The following LRRC41 variants were observed in gnomAD, a reference collection of about 807,000 sequenced individuals.
LRRC41 encodes leucine rich repeat containing 41, also known as leucine-rich repeat-containing protein 41.
In LRRC41, 17 loss-of-function variants were observed where a neutral mutation model predicts 72.1. The ratio of observed to expected loss-of-function variants is 0.24; its 90% CI spans 0.16 to 0.35. LRRC41 has a LOEUF of 0.35. Among genes scored for constraint, LRRC41 ranks in the 10% least tolerant of loss-of-function variants. LRRC41 has a pLI of 1.00. For missense variants in LRRC41, 759 were observed against 1,065.0 expected (o/e 0.71, Z 4.00); for synonymous variants, 427 against 431.0 (o/e 0.99, Z 0.11).
intron 3 of LRRC41, chr1:46,297,108 T>C (rs1464719166): frequency 6.3e-6 from 1 of 158,662 alleles, no homozygotes; most frequent in African/African-American, 2.4e-5. Context: ...GCTCAAGGTA[T>C]AGTCGTTATA....
rs1309497591 is a variant in LRRC41 at position 46,285,025 on chromosome 1, G to A, written c.1495+337C>T. The A allele has an allele frequency of 1.1e-5, 3 of 280,738 alleles. No individual in the cohort carries two copies. The highest frequency in any genetic ancestry group is 2.1e-5 in the Non-Finnish European group (3 of 143,242). 17.4% of individuals were successfully genotyped at this position (280,738 alleles called of 1,614,324 possible). On this transcript the variant is annotated intron_variant, in intron 4 of 9. Coordinates refer to ENST00000617190, the MANE Select transcript of LRRC41 (RefSeq NM_006369.5). The surrounding 1 kb of genome is among the most constrained non-coding windows in gnomAD (Gnocchi z 5.3). ...CTGATATGACTGGTGAGGTGGTGAG[G>A]TCAAACTCTAGCCCTGCCTGAGCAT...
intron 2 of LRRC41, among the ~76,000 whole-genome samples, chr1:46,297,967 C>A (rs1403212334): frequency 2.0e-5 from 3 of 152,054 alleles, no homozygotes; most frequent in Admixed American, 2.0e-4. Context: ...TTAAATGTTA[C>A]CTGTTAACAG....
chr1:46,292,654 G>A (rs1661042412), intron 3 of LRRC41, among the ~76,000 whole-genome samples: 1 of 152,158 alleles, frequency 6.6e-6, no homozygotes, highest in Admixed American at 6.5e-5. Context: ...TTCATGATGT[G>A]TCCAAATCCT....
rs778145574 is a variant in LRRC41 at position 46,280,474 on chromosome 1, A to T, written c.1843T>A (p.Ser615Thr). ...LLCSVLKASG[S>T]LQQLSLDSAT... ...CTATCCAGGGACAGCTGCTGCAGAGAACCCGAGGCCTTCAGAACGGAGCAC... is the reference window on the plus strand; with the variant it reads ...CTATCCAGGGACAGCTGCTGCAGAGTACCCGAGGCCTTCAGAACGGAGCAC... The change falls in exon 6 of 10, where the codon TCT becomes ACT. Residue 615 changes from serine (S) to threonine (T), a missense_variant. Ser to Thr is a moderately conservative substitution (Grantham distance 58). This residue lies in a region of LRRC41 where 427 missense variants were observed against 520.9 expected (regional missense o/e 0.82). Coordinates refer to ENST00000617190, the MANE Select transcript of LRRC41 (RefSeq NM_006369.5). 4.2e-5 allele frequency: 68 copies of T among 1,614,084 alleles called. No homozygotes were observed. Among genetic ancestry groups the T allele is most frequent in the Non-Finnish European group, 5.3e-5 (63 of 1,180,032 alleles).
Position 46,303,277 on chromosome 1 carries a change from CA to C in LRRC41, c.45del (p.Cys15TrpfsTer3). The C allele has an allele frequency of 6.5e-7, 1 of 1,544,584 alleles. No individual in the cohort carries two copies. Among genetic ancestry groups the C allele is most frequent in the Admixed American group, 2.0e-5 (1 of 50,750 alleles). ...TCCATGGTCGTTGCCGCCGCTACCTCACAGAACCAGCAACTCCGGGCGCGCC... is the reference window on the plus strand; with the variant it reads ...TCCATGGTCGTTGCCGCCGCTACCTCCAGAACCAGCAACTCCGGGCGCGCC... ...EAWRARSCWFCEVAAATTMEA... is the reference protein window; with the variant it reads ...EAWRARSCWFXEVAAATTMEA... On this transcript the variant is annotated frameshift_variant, in exon 1 of 10. Coordinates refer to ENST00000617190, the MANE Select transcript of LRRC41 (RefSeq NM_006369.5). LOFTEE classifies it high-confidence loss of function.
At position 46,286,358 on chromosome 1, in the gene LRRC41, G is replaced by A. The variant is rs1660884187; in HGVS notation, c.499C>T (p.Leu167Phe). The A allele has an allele frequency of 6.2e-7, 1 of 1,614,246 alleles. No individual in the cohort carries two copies. The highest frequency in any genetic ancestry group is 1.3e-5 in the African/African-American group (1 of 75,060). ...LLHSSRHVRQLTICNMLQGAT... is the reference protein window; with the variant it reads ...LLHSSRHVRQFTICNMLQGAT... The stretch of plus-strand genomic sequence containing the variant: ...CCCTGCAGCATGTTACAGATGGTGA[G>A]CTGTCGGACATGGCGGGAGCTGTGC... The change falls in exon 4 of 10, where the codon CTC becomes TTC. Residue 167 changes from leucine to phenylalanine, a missense_variant. By Grantham distance (22) the Leu-to-Phe change is conservative. Transcript: ENST00000617190. This position sits in a 1 kb window ranked among gnomAD's most constrained non-coding sequence, Gnocchi z 5.5.
chr1:46,278,773 G>A lies in LRRC41; in HGVS notation c.*92C>T, dbSNP rs1660700890. On this transcript the variant is annotated 3_prime_UTR_variant, in exon 10 of 10. Coordinates refer to ENST00000617190, the MANE Select transcript of LRRC41 (RefSeq NM_006369.5). ...AGAAAAAAGGTGACAGAAAGAGAAAGATAGAACTGGTGGTTGGGGTTCTGG... is the reference window on the plus strand; with the variant it reads ...AGAAAAAAGGTGACAGAAAGAGAAAAATAGAACTGGTGGTTGGGGTTCTGG... 8.1e-7 allele frequency: 1 copy of A among 1,235,038 alleles called. No homozygotes were observed. The highest frequency in any genetic ancestry group is 2.3e-5 in the East Asian group (1 of 43,012). The allele number at this position is 1,235,038 out of a possible 1,614,324, so 76.5% of individuals were successfully genotyped here.
intron 3 of LRRC41, among the ~76,000 whole-genome samples, chr1:46,289,898 A>G (rs1015759699): frequency 6.6e-6 from 1 of 152,206 alleles, no homozygotes; most frequent in African/African-American, 2.4e-5. Flanking sequence ...GGGTAAGGGA[A>G]ATGAGGCATG....
Position 46,285,930 on chromosome 1 carries a change from T to C in LRRC41, c.927A>G (p.Glu309=), listed in dbSNP as rs1660876383. ...GTGCAGCTCTGGGCATCTGCTTGGC[T>C]TCACTCTTACGCCGGCTGGCCATCA... ...AALMASRRKS[E]AKQMPRAAPA... is the part of the protein sequence containing the mutation. The change falls in exon 4 of 10, where the codon GAA becomes GAG. Residue 309 remains glutamate, a synonymous_variant. Transcript: ENST00000617190. The surrounding 1 kb of genome is among the most constrained non-coding windows in gnomAD (Gnocchi z 5.3). 2 of 1,536,786 alleles carry C rather than the reference T, an allele frequency of 1.3e-6. No homozygotes were observed.
rs1231627439 is a variant in LRRC41 at position 46,279,076 on chromosome 1, C to T, written c.2228G>A (p.Cys743Tyr). 5 of 1,608,618 alleles carry T rather than the reference C, an allele frequency of 3.1e-6. No homozygotes were observed. The highest frequency in any genetic ancestry group is 4.2e-6 in the Non-Finnish European group (5 of 1,176,956). ...CTCCAGAAGCCCATCTGGCTTGATG[C>T]AGTTGGAACTGGTAGGGTGAGATGG... ...SLCQLDISSN[C>Y]IKPDGLLEFA... is the part of the protein sequence containing the mutation. Residue 743 changes from cysteine to tyrosine, a missense_variant, in exon 10 of 10, where the codon TGC (cysteine) becomes TAC (tyrosine). By Grantham distance (194) the Cys-to-Tyr change is radical. This residue lies in a region of LRRC41 where 110 missense variants were observed against 227.0 expected (regional missense o/e 0.48). Coordinates refer to ENST00000617190, the MANE Select transcript of LRRC41 (RefSeq NM_006369.5). This position sits in a 1 kb window ranked among gnomAD's most constrained non-coding sequence, Gnocchi z 4.5.
chr1:46,296,657 C>G (rs1449363274), intron 3 of LRRC41: 1 of 152,156 alleles, frequency 6.6e-6, no homozygotes, highest in Non-Finnish European at 1.5e-5. Context: ...CTAAAAGGAG[C>G]TCTAAAAGTC....
rs372470887 is a variant in LRRC41, at chr1:46,303,497, C to T, written c.-175G>A. ...TAGGAGCTACTATTTTAGATAAACT[C>T]CTAGATCAATTATACTTGGGTGTGG... On this transcript the variant is annotated 5_prime_UTR_variant, in exon 1 of 10. Coordinates refer to ENST00000617190, the MANE Select transcript of LRRC41 (RefSeq NM_006369.5). 1.3e-6 allele frequency: 1 copy of T among 755,440 alleles called. No homozygotes were observed. The highest frequency in any genetic ancestry group is 2.1e-6 in the Non-Finnish European group (1 of 479,856). The allele number at this position is 755,440 out of a possible 1,614,324, so 46.8% of individuals were successfully genotyped here. A position where few individuals can be genotyped will look rare whatever the true frequency, so the allele number is the denominator to read the frequency against.
rs1354769296 is a variant in LRRC41, at chr1:46,285,126, C to A, written c.1495+236G>T. 3.5e-6 allele frequency: 2 copies of A among 566,986 alleles called. No individual in the cohort carries two copies. The highest frequency in any genetic ancestry group is 6.4e-6 in the Non-Finnish European group (2 of 313,960). 35.1% of individuals were successfully genotyped at this position (566,986 alleles called of 1,614,324 possible). A position where few individuals can be genotyped will look rare whatever the true frequency, so the allele number is the denominator to read the frequency against. ...AATGTATTCATTCTTCAGATTCCAG[C>A]TGGCTTGTCTCACTGCCCCTCAGGA... On this transcript the variant is annotated intron_variant, in intron 4 of 9. Transcript: ENST00000617190. This position sits in a 1 kb window ranked among gnomAD's most constrained non-coding sequence, Gnocchi z 5.3.
rs770334028 is a variant in LRRC41, at chr1:46,286,506, C to G, written c.358-7G>C. The G allele has an allele frequency of 6.3e-7, 1 of 1,581,694 alleles. No individual in the cohort carries two copies. The highest frequency in any genetic ancestry group is 8.6e-7 in the Non-Finnish European group (1 of 1,162,944). On this transcript the variant is annotated splice_polypyrimidine_tract_variant and splice_region_variant and intron_variant, in intron 3 of 9. Coordinates refer to ENST00000617190, the MANE Select transcript of LRRC41 (RefSeq NM_006369.5). This position sits in a 1 kb window ranked among gnomAD's most constrained non-coding sequence, Gnocchi z 5.5. ...CTCGCCAACATGTCACACTCTGAAA[C>G]GCAGAAAACATGCCAGACAGCCATG...
At chr1:46,287,309 CCT>C (rs1354707188) in intron 3 of LRRC41, among the ~76,000 whole-genome samples, 4 of 151,728 alleles carry the variant, frequency 2.6e-5, no homozygotes, top group African/African-American at 7.3e-5. Context: ...GGGGTTTCAC[CCT>C]GTTAGCCAGG....
intron 5 of LRRC41, 105 bp from the exon 6 acceptor site, chr1:46,280,665 A>G (rs771840896): frequency 4.3e-5 from 52 of 1,203,692 alleles, no homozygotes; most frequent in Non-Finnish European, 6.0e-5. Context: ...TTATTTATTC[A>G]TTCACTTGTC....
rs1660687367 is a variant in LRRC41, at chr1:46,278,346, A to C, written c.*519T>G. The stretch of plus-strand genomic sequence containing the variant: ...ATAGGGAAAAGGGGCTCCTTGCTCC[A>C]CAGGGCCCTGTTGAATTTTGTTCTC... On this transcript the variant is annotated 3_prime_UTR_variant, in exon 10 of 10. Coordinates refer to ENST00000617190, the MANE Select transcript of LRRC41 (RefSeq NM_006369.5). 1.3e-6 allele frequency: 2 copies of C among 1,501,402 alleles called. No homozygotes were observed. Among genetic ancestry groups the C allele is most frequent in the Middle Eastern group, 2.3e-4 (1 of 4,312 alleles). The allele number at this position is 1,501,402 out of a possible 1,614,324, so 93.0% of individuals were successfully genotyped here.
chr1:46,281,269 C>G lies in LRRC41; in HGVS notation c.1612G>C (p.Glu538Gln). 1 of 1,614,178 alleles carries G rather than the reference C, an allele frequency of 6.2e-7. No homozygotes were observed. The highest frequency in any genetic ancestry group is 1.1e-5 in the South Asian group (1 of 91,076). The stretch of plus-strand genomic sequence containing the variant: ...GCTCGCACGATAGCACGTGTCAGCT[C>G]CAGGATGGGCAGTGGTGAGAACAGG... The part of the protein sequence containing the change: ...SDLFSPLPIL[E>Q]LTRAIVRALP... The change falls in exon 5 of 10, where the codon GAG becomes CAG. Residue 538 changes from glutamate (E) to glutamine (Q), a missense_variant. Coordinates refer to ENST00000617190, the MANE Select transcript of LRRC41 (RefSeq NM_006369.5).
chr1:46,303,065 C>G, intron 1 of LRRC41, 59 bp downstream of exon 1: 1 of 1,342,724 alleles, frequency 7.4e-7, no homozygotes. Context: ...CCCGCGCCCC[C>G]CGGCCGCTGG....
Sources: allele counts gnomAD v4.1 joint callset (sites outside exome capture counted in the v4.1 genomes callset), GRCh38; gene constraint gnomAD v4.1.1; regional missense constraint gnomAD v4.1.1; non-coding constraint Gnocchi (gnomAD v3.1); transcripts MANE v1.5; gene names NCBI Gene and HGNC (gene_info 2026-07-23, HGNC 2026-07-21).